Variants in NRK observed in about 807,000 individuals in gnomAD.
NRK encodes nik-related protein kinase.
In NRK, 67 loss-of-function variants were observed where a neutral mutation model predicts 125.2. The observed-to-expected ratio is 0.54, with a 90% CI of 0.44 to 0.66. NRK has a LOEUF of 0.66. NRK is among the 30% of genes least tolerant of loss of function. The pLI, the probability that NRK is intolerant of heterozygous loss-of-function variation, is 0.00. For missense variants in NRK, 1,224 were observed against 1,192.9 expected, an observed-to-expected ratio of 1.03 and a Z score of -0.38; for synonymous variants, 458 against 429.0, an observed-to-expected ratio of 1.07 and a Z score of -0.84.
intron 11 of NRK, among the ~76,000 whole-genome samples, chrX:105,906,917 A>T (rs999992490): frequency 4.5e-5 from 5 of 110,328 alleles, no homozygotes; most frequent in African/African-American, 1.6e-4. Context: ...AACTAACTAA[A>T]TAAAATAAAT....
chrX:105,864,350 G>T (rs1378292126), intron 2 of NRK, among the ~76,000 whole-genome samples: 1 of 111,204 alleles, frequency 9.0e-6, no homozygotes, highest in Admixed American at 9.7e-5. Context: ...TCTGTAAATG[G>T]ACTCACTCTA....
At chrX:105,898,371 A>G (rs773905973) in intron 7 of NRK, among the ~76,000 whole-genome samples, 1 of 111,960 alleles carries the variant, frequency 8.9e-6, no homozygotes, top group South Asian at 3.8e-4. Context: ...CTGTAGATTT[A>G]TAATAGCACT....
chrX:105,823,298 C>T (rs1291015439), intron 1 of NRK, among the ~76,000 whole-genome samples: 1 of 112,238 alleles, frequency 8.9e-6, no homozygotes, highest in Non-Finnish European at 1.9e-5. Context: ...CTCCTCCTTC[C>T]TGTTATCCCG....
At chrX:105,882,494 T>C (rs1226400123) in intron 4 of NRK, among the ~76,000 whole-genome samples, 3 of 111,341 alleles carry the variant, frequency 2.7e-5, no homozygotes, top group Non-Finnish European at 3.8e-5. Context: ...CTATAAAATA[T>C]TGTATGGGCC....
chrX:105,826,054 C>A lies in NRK; in HGVS notation c.57+3152C>A, dbSNP rs994617081. On this transcript the variant is annotated intron_variant, in intron 1 of 28. Transcript: ENST00000243300. ...TCTGTCTCCGTCTCTCTCTCTCTCT[C>A]TCTATATATATATATATACACATAC... is the stretch of plus-strand genomic sequence containing the variant. Among the ~76,000 whole-genome samples the A allele has an allele frequency of 1.1e-3, 111 of 98,596 alleles. 1 individual carries two copies. The highest frequency in any genetic ancestry group is 3.7e-3 in the African/African-American group (99 of 26,911). 85.6% of individuals were successfully genotyped at this position (98,596 alleles called of 115,157 possible).
intron 2 of NRK, among the ~76,000 whole-genome samples, chrX:105,863,540 T>C (rs1294785686): frequency 8.9e-6 from 1 of 112,030 alleles, no homozygotes; most frequent in Non-Finnish European, 1.9e-5. Flanking sequence ...TCAAAGATAA[T>C]ATTCCAAGTT....
At chrX:105,935,901 CAT>C (rs1191946188) in intron 21 of NRK, among the ~76,000 whole-genome samples, 1 of 108,955 alleles carries the variant, frequency 9.2e-6, no homozygotes, top group Non-Finnish European at 1.9e-5. Flanking sequence ...TAGTGTTCAA[CAT>C]GTGATACTTT....
chrX:105,849,733 G>A (rs1476076429), intron 2 of NRK, among the ~76,000 whole-genome samples: 1 of 112,030 alleles, frequency 8.9e-6, no homozygotes, highest in Non-Finnish European at 1.9e-5. Context: ...GCTCCAAAAT[G>A]ATCTCCTTTG....
At chrX:105,935,108 G>A in intron 20 of NRK, 62 bp from the exon 21 acceptor site, 8 of 950,046 alleles carry the variant, frequency 8.4e-6, no homozygotes, top group Non-Finnish European at 1.2e-5. Flanking sequence ...AAAAAATTCT[G>A]TAACTCCATC....
intron 14 of NRK, among the ~76,000 whole-genome samples, chrX:105,913,276 A>G (rs1383903483): frequency 8.9e-6 from 1 of 112,202 alleles, no homozygotes; most frequent in African/African-American, 3.2e-5. Context: ...GAGAAGTGGA[A>G]TCTAAAACCA....
intron 7 of NRK, among the ~76,000 whole-genome samples, chrX:105,898,024 G>T (rs768922711): frequency 4.0e-4 from 45 of 112,079 alleles, no homozygotes; most frequent in African/African-American, 1.4e-3. Context: ...TCCCACAGAT[G>T]AATAGAAGAC....
intron 11 of NRK, 84 bp downstream of exon 11, chrX:105,906,673 TTAAGAC>T (rs2040223443): frequency 3.8e-6 from 2 of 525,557 alleles, no homozygotes; most frequent in African/African-American, 4.7e-5. Context: ...TAATATTTGT[TTAAGAC>T]TTAGATTGAA....
At chrX:105,855,817 T>A (rs1198297223) in intron 2 of NRK, among the ~76,000 whole-genome samples, 1 of 111,877 alleles carries the variant, frequency 8.9e-6, no homozygotes, top group Non-Finnish European at 1.9e-5. Flanking sequence ...ACATTAAGTG[T>A]ACAACAAATT....
chrX:105,954,802 T>G (rs1332401465), intron 28 of NRK, among the ~76,000 whole-genome samples: 3 of 111,718 alleles, frequency 2.7e-5, no homozygotes, highest in Non-Finnish European at 5.7e-5. Context: ...AACATGTCCC[T>G]CTCTAAGCCA....
chrX:105,922,227 T>C (rs1422504095), intron 17 of NRK, among the ~76,000 whole-genome samples, 166 bp downstream of exon 17: 1 of 112,336 alleles, frequency 8.9e-6, no homozygotes, highest in South Asian at 3.6e-4. Flanking sequence ...GAACACAAAA[T>C]CTAGAAATTA....
At chrX:105,926,074 A>G (rs1190166636) in intron 19 of NRK, among the ~76,000 whole-genome samples, 8 of 111,580 alleles carry the variant, frequency 7.2e-5, no homozygotes, top group Non-Finnish European at 1.5e-4. Flanking sequence ...CCAACGGTAT[A>G]TAAAAGTTCC....
chrX:105,956,594 A>G lies in NRK; in HGVS notation c.*994A>G, dbSNP rs1820008075. On this transcript the variant is annotated 3_prime_UTR_variant, in exon 29 of 29. Coordinates refer to ENST00000243300, the MANE Select transcript of NRK (RefSeq NM_198465.4). ...ATAACTATGAAAAAACTTTGCTAAT[A>G]TCTGTGTTTTTCAGATTTCATTTTT... is the stretch of plus-strand genomic sequence containing the variant. The G allele has an allele frequency of 8.9e-6, 1 of 112,234 alleles. No homozygotes were observed. Among genetic ancestry groups the G allele is most frequent in the South Asian group, 3.7e-4 (1 of 2,735 alleles). 9.2% of individuals were successfully genotyped at this position (112,234 alleles called of 1,213,427 possible).
At chrX:105,902,957 A>G (rs774305672) in intron 9 of NRK, among the ~76,000 whole-genome samples, 143 of 111,496 alleles carry the variant, frequency 1.3e-3, no homozygotes, top group Non-Finnish European at 7.5e-4. Flanking sequence ...AGAACTGGAC[A>G]CTTGTAAACC....
intron 9 of NRK, among the ~76,000 whole-genome samples, chrX:105,902,499 A>G (rs946722899): frequency 1.8e-4 from 20 of 112,498 alleles, no homozygotes; most frequent in Non-Finnish European, 3.0e-4. Context: ...CAATTATCTG[A>G]TAATATCCTC....
Sources: gnomAD v4.1 joint callset for allele counts (sites outside exome capture counted in the v4.1 genomes callset) on GRCh38, gnomAD v4.1.1 for gene constraint, MANE v1.5 for transcripts, NCBI Gene and HGNC (gene_info 2026-07-23, HGNC 2026-07-21) for gene names.